Variants in ARL14EPL observed in about 807,000 individuals in gnomAD.
The protein encoded by ARL14EPL is ARL14 effector protein-like.
In ARL14EPL, 17 loss-of-function variants were observed where a neutral mutation model predicts 15.9. The ratio of observed to expected loss-of-function variants is 1.07; its 90% CI spans 0.73 to 1.60. The LOEUF (loss-of-function observed/expected upper bound fraction) is 1.60. ARL14EPL is among the 40% of genes most tolerant of loss of function. ARL14EPL has a pLI of 0.00. For synonymous variants in ARL14EPL, 78 were observed against 63.8 expected (o/e 1.22, Z -1.06); for missense variants, 214 against 185.9 (o/e 1.15, Z -0.88).
chr5:116,040,247 T>A (rs1360051647), intron 1 of ARL14EPL, among the ~76,000 whole-genome samples: 1 of 152,078 alleles, frequency 6.6e-6, no homozygotes, highest in Non-Finnish European at 1.5e-5. Flanking sequence ...ATTTCTATTA[T>A]AGGCATTTGG....
chr5:116,042,233 A>C (rs1749173831), intron 1 of ARL14EPL, among the ~76,000 whole-genome samples: 1 of 152,172 alleles, frequency 6.6e-6, no homozygotes, highest in African/African-American at 2.4e-5. Flanking sequence ...TGTGATGCAC[A>C]TCTTGTGCTT....
chr5:116,039,992 C>T (rs1749118825), intron 1 of ARL14EPL, among the ~76,000 whole-genome samples: 2 of 152,086 alleles, frequency 1.3e-5, no homozygotes, highest in Admixed American at 6.6e-5. Flanking sequence ...TATGTTTCCA[C>T]AACATTATTT....
chr5:116,058,625 G>A (rs1372433237), intron 3 of ARL14EPL, 100 bp from the exon 4 acceptor site: 3 of 1,150,358 alleles, frequency 2.6e-6, no homozygotes, highest in Non-Finnish European at 3.7e-6. Flanking sequence ...TCTGGGTCAG[G>A]GTAAAATGGT....
At chr5:116,052,328 G>T in intron 2 of ARL14EPL, 1 of 937,718 alleles carries the variant, frequency 1.1e-6, no homozygotes, top group Non-Finnish European at 1.8e-6. Context: ...GCCTTGCAAA[G>T]ATGTCGGACA....
At chr5:116,052,635 T>C (rs1370357078) in intron 2 of ARL14EPL, among the ~76,000 whole-genome samples, 2 of 152,224 alleles carry the variant, frequency 1.3e-5, no homozygotes, top group African/African-American at 2.4e-5. Context: ...TGTATGTATA[T>C]GTCATAACCA....
intron 1 of ARL14EPL, among the ~76,000 whole-genome samples, chr5:116,042,023 G>T (rs990335827): frequency 9.9e-5 from 15 of 152,044 alleles, no homozygotes; most frequent in African/African-American, 3.4e-4. Context: ...AAGACAGGGG[G>T]TCTCACCATG....
Position 116,052,298 on chromosome 5 carries a change from G to A in ARL14EPL, c.96+737G>A. ...CTTGGGCGGCATTGCGAAGCTCGGA[G>A]AGTAGCAGCAGACACCGCAGCCTTG... is the stretch of plus-strand genomic sequence containing the variant. On this transcript the variant is annotated intron_variant, in intron 2 of 3. Coordinates refer to ENST00000686077, the MANE Select transcript of ARL14EPL (RefSeq NM_001195581.2). 5 of 1,328,642 alleles carry A rather than the reference G, an allele frequency of 3.8e-6. No individual in the cohort carries two copies. The Admixed American group carries it at 8.4e-5, about 22-fold the overall frequency. The allele number at this position is 1,328,642 out of a possible 1,614,324, so 82.3% of individuals were successfully genotyped here. A position where few individuals can be genotyped will look rare whatever the true frequency, so the allele number is the denominator to read the frequency against.
intron 2 of ARL14EPL, among the ~76,000 whole-genome samples, chr5:116,053,197 C>G (rs929941257): frequency 6.6e-6 from 1 of 151,888 alleles, no homozygotes; most frequent in Admixed American, 6.6e-5. Flanking sequence ...CATATGTACA[C>G]AAAAATTAGC....
chr5:116,036,386 G>GCTCC (rs1297450502), intron 1 of ARL14EPL, among the ~76,000 whole-genome samples: 1 of 139,588 alleles, frequency 7.2e-6, no homozygotes, highest in Non-Finnish European at 1.5e-5. Context: ...ATAACAGGCA[G>GCTCC]TGCTTCGTAT....
At chr5:116,038,917 G>A (rs1317089132) in intron 1 of ARL14EPL, among the ~76,000 whole-genome samples, 3 of 122,636 alleles carry the variant, frequency 2.4e-5, no homozygotes, top group Admixed American at 8.5e-5. Context: ...GGCCAAACCT[G>A]TAACACTTTG....
At chr5:116,040,542 T>C (rs773933612) in intron 1 of ARL14EPL, among the ~76,000 whole-genome samples, 2 of 151,310 alleles carry the variant, frequency 1.3e-5, no homozygotes, top group African/African-American at 4.8e-5. Context: ...ACGATATTAG[T>C]AAGTCAAAGT....
At chr5:116,052,395 G>A (rs529522698) in intron 2 of ARL14EPL, 9 of 682,338 alleles carry the variant, frequency 1.3e-5, no homozygotes, top group African/African-American at 7.2e-5. Flanking sequence ...ATTATGTCAC[G>A]TTATGGCTCT....
At chr5:116,034,997 A>T (rs1469076831) in intron 1 of ARL14EPL, among the ~76,000 whole-genome samples, 1 of 152,134 alleles carries the variant, frequency 6.6e-6, no homozygotes. Context: ...ATTTTGTTTG[A>T]TTTCACCCAG....
intron 1 of ARL14EPL, among the ~76,000 whole-genome samples, chr5:116,047,443 A>G (rs1749294847): frequency 6.6e-6 from 1 of 152,214 alleles, no homozygotes; most frequent in South Asian, 2.1e-4. Context: ...AAACCCATGC[A>G]TCCTATTAGT....
chr5:116,052,414 A>T, intron 2 of ARL14EPL: 1 of 645,622 alleles, frequency 1.5e-6, no homozygotes. Context: ...CTAAAACTGT[A>T]TGTATTAACT....
intron 3 of ARL14EPL, among the ~76,000 whole-genome samples, chr5:116,057,533 C>T (rs1250784484): frequency 1.3e-5 from 2 of 151,998 alleles, no homozygotes; most frequent in Non-Finnish European, 1.5e-5. Context: ...AGGTTGATTT[C>T]AGGACCATCT....
rs938526010 is a variant in ARL14EPL at position 116,053,363 on chromosome 5, G to A, written c.97-651G>A. ...CGAGACCCTATCTCAAAAAAAAAAAGAAAAGAAAGGAAAAAAAAAAAACCT... is the reference window on the plus strand; with the variant it reads ...CGAGACCCTATCTCAAAAAAAAAAAAAAAAGAAAGGAAAAAAAAAAAACCT... On this transcript the variant is annotated intron_variant, in intron 2 of 3. Transcript: ENST00000686077. Among the ~76,000 whole-genome samples, 215 of 121,438 alleles carry A rather than the reference G, an allele frequency of 1.8e-3. No individual in the cohort carries two copies. The South Asian group carries it at 0.034, about 19-fold the overall frequency. The allele number at this position is 121,438 out of a possible 152,430, so 79.7% of individuals were successfully genotyped here.
chr5:116,052,288 G>A (rs1363711445), intron 2 of ARL14EPL: 7 of 1,406,768 alleles, frequency 5.0e-6, no homozygotes, highest in Admixed American at 3.3e-5. Context: ...GCGGCATTGC[G>A]AAGCTCGGAG....
At chr5:116,041,485 G>A (rs1396129615) in intron 1 of ARL14EPL, among the ~76,000 whole-genome samples, 1 of 152,072 alleles carries the variant, frequency 6.6e-6, no homozygotes, top group Non-Finnish European at 1.5e-5. Context: ...AGCTGCTGGA[G>A]GTCCTGAAAT....
Sources: gnomAD v4.1 joint callset for allele counts (sites outside exome capture counted in the v4.1 genomes callset) on GRCh38, gnomAD v4.1.1 for gene constraint, MANE v1.5 for transcripts, NCBI Gene and HGNC (gene_info 2026-07-23, HGNC 2026-07-21) for gene names.